Variants in QTMAN observed in about 807,000 individuals in gnomAD.
The protein encoded by QTMAN is queuosine-tRNA mannosyltransferase, also known as tRNA-queuosine alpha-mannosyltransferase.
the QTMAN span, among the ~76,000 whole-genome samples, chr2:143,984,808 G>A: frequency 3.3e-5 from 5 of 152,142 alleles, no homozygotes; most frequent in Non-Finnish European, 5.9e-5. Context: ...GAGCTCCAGG[G>A]AGAGATTACC....
the QTMAN span, among the ~76,000 whole-genome samples, chr2:144,099,554 A>G: frequency 5.9e-5 from 9 of 152,342 alleles, no homozygotes; most frequent in Middle Eastern, 3.4e-3. Context: ...AACGCACTGG[A>G]CACCTGAATA....
At chr2:144,329,237 G>A in the QTMAN span, among the ~76,000 whole-genome samples, 4 of 149,996 alleles carry the variant, frequency 2.7e-5, no homozygotes, top group Non-Finnish European at 5.9e-5. Context: ...GTGTGACTCT[G>A]CCTCAAAAAA....
At chr2:144,094,003 CATA>C in the QTMAN span, among the ~76,000 whole-genome samples, 1 of 152,062 alleles carries the variant, frequency 6.6e-6, no homozygotes, top group African/African-American at 2.4e-5. Flanking sequence ...AGTGTAGAGC[CATA>C]ATCTCTCAAA....
chr2:144,109,498 T>C, the QTMAN span, among the ~76,000 whole-genome samples: 1 of 152,222 alleles, frequency 6.6e-6, no homozygotes, highest in Non-Finnish European at 1.5e-5. Flanking sequence ...AAGGACTTCA[T>C]GTTCAGAACA....
chr2:144,152,310 A>G, the QTMAN span, among the ~76,000 whole-genome samples: 1 of 152,200 alleles, frequency 6.6e-6, no homozygotes, highest in Admixed American at 6.5e-5. Flanking sequence ...CCTTGCTGCC[A>G]TCATCAGCAC....
the QTMAN span, among the ~76,000 whole-genome samples, chr2:144,056,428 C>A: frequency 1.6e-4 from 25 of 152,300 alleles, no homozygotes; most frequent in African/African-American, 5.3e-4. Context: ...TTCAGGGTCA[C>A]GAGCCCCTCT....
the QTMAN span, among the ~76,000 whole-genome samples, chr2:144,033,958 A>T: frequency 6.6e-6 from 1 of 152,216 alleles, no homozygotes; most frequent in Non-Finnish European, 1.5e-5. Flanking sequence ...GTGGGGCTGC[A>T]TGGGATGAGT....
the QTMAN span, among the ~76,000 whole-genome samples, chr2:144,270,312 C>G: frequency 6.6e-6 from 1 of 152,116 alleles, no homozygotes; most frequent in East Asian, 1.9e-4. Flanking sequence ...TGGGTATATA[C>G]CCAATGGATT....
chr2:144,137,613 C>A, the QTMAN span, among the ~76,000 whole-genome samples: 1 of 152,038 alleles, frequency 6.6e-6, no homozygotes, highest in Non-Finnish European at 1.5e-5. Context: ...TTTTGAGATA[C>A]CAGTTCTAGT....
the QTMAN span, among the ~76,000 whole-genome samples, chr2:144,043,490 C>G: frequency 6.6e-6 from 1 of 151,738 alleles, no homozygotes; most frequent in African/African-American, 2.4e-5. Context: ...AAAAATTAGC[C>G]CAGCGTGGTG....
At chr2:144,290,180 T>C in the QTMAN span, among the ~76,000 whole-genome samples, 3 of 152,124 alleles carry the variant, frequency 2.0e-5, no homozygotes, top group Non-Finnish European at 2.9e-5. Flanking sequence ...GAACCTATTC[T>C]GGCTGGGGGC....
the QTMAN span, among the ~76,000 whole-genome samples, chr2:144,025,089 C>T: frequency 6.6e-6 from 1 of 152,170 alleles, no homozygotes; most frequent in Non-Finnish European, 1.5e-5. Flanking sequence ...AAACGCTAAA[C>T]AGAGGTGCTA....
chr2:144,135,715 T>G, the QTMAN span, among the ~76,000 whole-genome samples: 1 of 152,304 alleles, frequency 6.6e-6, no homozygotes, highest in African/African-American at 2.4e-5. Flanking sequence ...AGTCAAGTAC[T>G]AGAGACCAGA....
At chr2:144,231,843 G>GA in the QTMAN span, among the ~76,000 whole-genome samples, 2 of 138,340 alleles carry the variant, frequency 1.4e-5, no homozygotes, top group Admixed American at 1.5e-4. Flanking sequence ...GAATGAAAGA[G>GA]GTGTGTGTGT....
the QTMAN span, among the ~76,000 whole-genome samples, chr2:144,186,159 C>T: frequency 6.6e-6 from 1 of 152,162 alleles, no homozygotes; most frequent in African/African-American, 2.4e-5. Flanking sequence ...TCTCCTTCTG[C>T]CTTCATCTCT....
chr2:144,179,760 G>A, the QTMAN span, among the ~76,000 whole-genome samples: 1 of 152,130 alleles, frequency 6.6e-6, no homozygotes, highest in Non-Finnish European at 1.5e-5. Context: ...TTTATTGAAA[G>A]GGCTAAATTT....
At chr2:144,296,471 T>C in the QTMAN span, among the ~76,000 whole-genome samples, 5 of 152,194 alleles carry the variant, frequency 3.3e-5, no homozygotes, top group African/African-American at 1.2e-4. Flanking sequence ...AGTTACAAGA[T>C]TCTACCTTTG....
the QTMAN span, among the ~76,000 whole-genome samples, chr2:144,331,371 C>G: frequency 2.6e-5 from 4 of 151,930 alleles, no homozygotes; most frequent in Admixed American, 2.6e-4. Context: ...AGCTCCTTTA[C>G]CTAACCACTA....
chr2:144,192,057 A>C, the QTMAN span, among the ~76,000 whole-genome samples: 1 of 152,152 alleles, frequency 6.6e-6, no homozygotes, highest in Non-Finnish European at 1.5e-5. Context: ...AGATTTAGAA[A>C]TATTTTGGAG....
Sources: allele counts gnomAD v4.1 joint callset (sites outside exome capture counted in the v4.1 genomes callset), GRCh38; gene constraint gnomAD v4.1.1; transcripts MANE v1.5; gene names NCBI Gene and HGNC (gene_info 2026-07-23, HGNC 2026-07-21).